Variants in UBE2J1 observed in about 807,000 individuals in gnomAD.
UBE2J1 encodes ubiquitin-conjugating enzyme E2 J1.
In UBE2J1, 17 loss-of-function variants were observed where a neutral mutation model predicts 42.1. That is an observed-to-expected ratio of 0.40 (90% confidence interval 0.28 to 0.61). UBE2J1 has a LOEUF of 0.61. Among genes scored for constraint, UBE2J1 ranks in the 20% least tolerant of loss-of-function variants. The pLI, the probability that UBE2J1 is intolerant of heterozygous loss-of-function variation, is 0.38. For missense variants in UBE2J1, 291 were observed against 389.4 expected (o/e 0.75, Z 2.13); for synonymous variants, 127 against 137.2 (o/e 0.93, Z 0.52).
At chr6:89,339,984 C>T (rs1768212479) in intron 3 of UBE2J1, among the ~76,000 whole-genome samples, 1 of 151,230 alleles carries the variant, frequency 6.6e-6, no homozygotes, top group East Asian at 1.9e-4. Flanking sequence ...CTATTGGACT[C>T]CAGCCTGGGT....
intron 1 of UBE2J1, among the ~76,000 whole-genome samples, chr6:89,351,355 G>A (rs997050096): frequency 4.6e-5 from 7 of 151,974 alleles, no homozygotes; most frequent in African/African-American, 1.4e-4. Flanking sequence ...GTGTGCCACC[G>A]TGCCAGGTCT....
chr6:89,341,636 A>C (rs1768247979), intron 3 of UBE2J1, among the ~76,000 whole-genome samples: 1 of 152,034 alleles, frequency 6.6e-6, no homozygotes, highest in Non-Finnish European at 1.5e-5. Context: ...AGGTGGGAGG[A>C]TAGCTTGAGC....
intron 1 of UBE2J1, among the ~76,000 whole-genome samples, chr6:89,349,906 C>T (rs1299596647): frequency 6.6e-6 from 1 of 152,210 alleles, no homozygotes; most frequent in Non-Finnish European, 1.5e-5. Flanking sequence ...CACATTTCTT[C>T]ACTTTGTACT....
chr6:89,332,989 C>A (rs1768037129), intron 7 of UBE2J1, 97 bp downstream of exon 7: 2 of 1,228,920 alleles, frequency 1.6e-6, no homozygotes, highest in Middle Eastern at 2.7e-4. Flanking sequence ...TTAAGAGAAC[C>A]AAATTTTTCA....
chr6:89,343,698 A>G lies in UBE2J1; in HGVS notation c.90T>C (p.His30=), dbSNP rs537706420. Reference sequence around the variant, plus strand: ...AGAAACTAACCTCTAAAGGCTGCGCATGGTAATGATCTGTTGGATCTTTCA... The same window carrying G: ...AGAAACTAACCTCTAAAGGCTGCGCGTGGTAATGATCTGTTGGATCTTTCA... ...AELKDPTDHY[H]AQPLEDNLFE... is the part of the protein sequence containing the mutation. Residue 30 remains histidine, a synonymous_variant, in exon 2 of 8, where the codon CAT becomes CAC. Coordinates refer to ENST00000435041, the MANE Select transcript of UBE2J1 (RefSeq NM_016021.3). 9.3e-6 allele frequency: 15 copies of G among 1,607,288 alleles called. No homozygotes were observed. Among genetic ancestry groups the G allele is most frequent in the South Asian group, 4.5e-5 (4 of 89,038 alleles).
At chr6:89,340,969 G>T (rs1371245056) in intron 3 of UBE2J1, among the ~76,000 whole-genome samples, 1 of 151,428 alleles carries the variant, frequency 6.6e-6, no homozygotes, top group Non-Finnish European at 1.5e-5. Flanking sequence ...TAGAGACGGG[G>T]TTTCACCTTG....
intron 7 of UBE2J1, among the ~76,000 whole-genome samples, chr6:89,330,471 A>G (rs2127859560): frequency 6.6e-6 from 1 of 152,228 alleles, no homozygotes; most frequent in East Asian, 1.9e-4. Flanking sequence ...TTTGGATGGT[A>G]TATCACTAAC....
chr6:89,340,112 A>G (rs1768215597), intron 3 of UBE2J1, among the ~76,000 whole-genome samples: 1 of 152,178 alleles, frequency 6.6e-6, no homozygotes, highest in African/African-American at 2.4e-5. Context: ...GTTAGTGAGG[A>G]AAGACATGGG....
chr6:89,340,830 C>A (rs2127868593), intron 3 of UBE2J1, among the ~76,000 whole-genome samples: 1 of 151,040 alleles, frequency 6.6e-6, no homozygotes, highest in African/African-American at 2.4e-5. Flanking sequence ...CTGCGGACTG[C>A]AGTGGCGCAA....
chr6:89,347,664 T>A (rs1768387835), intron 1 of UBE2J1, among the ~76,000 whole-genome samples: 1 of 152,184 alleles, frequency 6.6e-6, no homozygotes, highest in Admixed American at 6.5e-5. Flanking sequence ...AAAGGTGAGA[T>A]TAGTCTCTTG....
At position 89,333,077 on chromosome 6, in the gene UBE2J1, G is replaced by A. The variant is rs931569260; in HGVS notation, c.678+9C>T. The A allele has an allele frequency of 1.9e-6, 3 of 1,597,536 alleles. No homozygotes were observed. Among genetic ancestry groups the A allele is most frequent in the African/African-American group, 1.3e-5 (1 of 74,088 alleles). On this transcript the variant is annotated intron_variant, in intron 7 of 7. Transcript: ENST00000435041. ...GACATACATATATATTAAAAGATAA[G>A]AGCCATACCGATGTACTGGCCGTAG...
At chr6:89,340,921 G>T in intron 3 of UBE2J1, among the ~76,000 whole-genome samples, 1 of 151,440 alleles carries the variant, frequency 6.6e-6, no homozygotes, top group Non-Finnish European at 1.5e-5. Context: ...GACTACAGGC[G>T]CCCGCCACCG....
intron 7 of UBE2J1, among the ~76,000 whole-genome samples, chr6:89,330,287 A>G (rs1437259190): frequency 6.6e-6 from 1 of 152,094 alleles, no homozygotes; most frequent in African/African-American, 2.4e-5. Flanking sequence ...TTAGGTTCCT[A>G]TGTTTCAGAT....
chr6:89,335,229 T>C, intron 6 of UBE2J1, 73 bp downstream of exon 6: 3 of 1,355,392 alleles, frequency 2.2e-6, no homozygotes, highest in Non-Finnish European at 3.0e-6. Context: ...CTGCATCGCT[T>C]TCCTTTCTAT....
In UBE2J1 at chr6:89,352,638, G is replaced by A; in HGVS notation, c.-69C>T. On this transcript the variant is annotated 5_prime_UTR_variant, in exon 1 of 8. Transcript: ENST00000435041. ...CTCCTCTCCACGCGGCCGCTGCCCG[G>A]GTCTCAGCGCGGCTCGGGCGGACGG... is the stretch of plus-strand genomic sequence containing the variant. 6.8e-7 allele frequency: 1 copy of A among 1,480,376 alleles called. No individual in the cohort carries two copies. The highest frequency in any genetic ancestry group is 8.9e-7 in the Non-Finnish European group (1 of 1,117,906). 91.7% of individuals were successfully genotyped at this position (1,480,376 alleles called of 1,614,324 possible).
chr6:89,340,773 TG>T (rs1768230644), intron 3 of UBE2J1, among the ~76,000 whole-genome samples: 1 of 147,404 alleles, frequency 6.8e-6, no homozygotes, highest in Non-Finnish European at 1.5e-5. Context: ...TATTTATTTA[TG>T]TTTTTTTTTT....
chr6:89,342,734 A>G (rs1005351765), intron 2 of UBE2J1, among the ~76,000 whole-genome samples: 3 of 152,204 alleles, frequency 2.0e-5, no homozygotes, highest in African/African-American at 7.2e-5. Flanking sequence ...AGTAACTTAC[A>G]GGTTTAAATT....
Position 89,345,603 on chromosome 6 carries a change from A to AAAAC in UBE2J1, c.32-1851_32-1848dup, listed in dbSNP as rs771117213. On this transcript the variant is annotated intron_variant, in intron 1 of 7. Transcript: ENST00000435041. ...GGCTTCAGAGAGAGACTATCTCAAT[A>AAAAC]AAACAAACAAACAAACAAACAAAAC... is the stretch of plus-strand genomic sequence containing the variant. Among the ~76,000 whole-genome samples, 545 of 147,398 alleles carry AAAAC rather than the reference A, an allele frequency of 3.7e-3. 1 individual carries two copies. The highest frequency in any genetic ancestry group is 0.013 in the African/African-American group (513 of 39,596).
intron 1 of UBE2J1, among the ~76,000 whole-genome samples, chr6:89,351,609 T>A (rs952528978): frequency 6.6e-6 from 1 of 152,150 alleles, no homozygotes; most frequent in East Asian, 1.9e-4. Flanking sequence ...GAGAAACAGC[T>A]TTTTTTGGAA....
Sources: gnomAD v4.1 joint callset for allele counts (sites outside exome capture counted in the v4.1 genomes callset) on GRCh38, gnomAD v4.1.1 for gene constraint, MANE v1.5 for transcripts, NCBI Gene and HGNC (gene_info 2026-07-23, HGNC 2026-07-21) for gene names.